Variants in CNTNAP4 observed in about 807,000 individuals in gnomAD.
CNTNAP4 encodes the protein contactin-associated protein-like 4.
CNTNAP4 carries 98 observed loss-of-function variants against 148.4 expected under a neutral mutation model. The observed-to-expected ratio is 0.66, with a 90% CI of 0.56 to 0.78. CNTNAP4 has a LOEUF of 0.78. CNTNAP4 is among the 30% of genes least tolerant of loss of function. The pLI, the probability that CNTNAP4 is intolerant of heterozygous loss-of-function variation, is 0.00. For missense variants in CNTNAP4, 1,935 were observed against 1,565.6 expected, an observed-to-expected ratio of 1.24 and a Z score of -3.98; for synonymous variants, 730 against 565.1, an observed-to-expected ratio of 1.29 and a Z score of -4.14.
chr16:76,448,728 C>A, intron 5 of CNTNAP4, 39 bp from the exon 6 acceptor site: 13 of 1,380,934 alleles, frequency 9.4e-6, no homozygotes, highest in South Asian at 2.9e-5. Flanking sequence ...TTTCTTTAGA[C>A]TGGCAATAAT....
At chr16:76,410,752 C>G (rs1228355292) in intron 3 of CNTNAP4, among the ~76,000 whole-genome samples, 3 of 151,424 alleles carry the variant, frequency 2.0e-5, no homozygotes, top group African/African-American at 7.3e-5. Context: ...AATAACACAC[C>G]ATCATACATT....
At chr16:76,298,745 C>A (rs968530917) in intron 1 of CNTNAP4, among the ~76,000 whole-genome samples, 7 of 152,102 alleles carry the variant, frequency 4.6e-5, no homozygotes, top group Non-Finnish European at 8.8e-5. Flanking sequence ...CTCTCCTAGA[C>A]CACATTCTTA....
chr16:76,448,113 AC>A lies in CNTNAP4; in HGVS notation c.642del (p.Met215CysfsTer22). The part of the protein sequence containing the change: ...IKDIISLKFK[T>X]MQSDGILLHR... ...AGACATTATTTCTTTGAAATTCAAA[AC>A]CATGCAGAGTGATGGGATTCTACTC... On this transcript the variant is annotated frameshift_variant, in exon 5 of 24. Coordinates refer to ENST00000611870, the MANE Select transcript of CNTNAP4 (RefSeq NM_033401.5). LOFTEE classifies it high-confidence loss of function. 6.2e-7 allele frequency: 1 copy of A among 1,613,554 alleles called. No individual in the cohort carries two copies. Among genetic ancestry groups the A allele is most frequent in the Non-Finnish European group, 8.5e-7 (1 of 1,179,538 alleles).
chr16:76,311,339 A>G (rs1961085293), intron 1 of CNTNAP4, among the ~76,000 whole-genome samples: 2 of 152,234 alleles, frequency 1.3e-5, no homozygotes, highest in Non-Finnish European at 2.9e-5. Flanking sequence ...CTAATTTACC[A>G]TTTACTTTTT....
intron 1 of CNTNAP4, among the ~76,000 whole-genome samples, chr16:76,282,817 AAAATT>A (rs1373722834): frequency 6.6e-6 from 1 of 151,902 alleles, no homozygotes; most frequent in African/African-American, 2.4e-5. Context: ...AGTTTTTTGA[AAAATT>A]AAATTAAAAA....
rs186636232 is a variant in CNTNAP4, at chr16:76,486,945, G to A, written c.1883-2741G>A. On this transcript the variant is annotated intron_variant, in intron 12 of 23. Coordinates refer to ENST00000611870, the MANE Select transcript of CNTNAP4 (RefSeq NM_033401.5). ...GATGCTGATTAGATTCTCTATGAGC[G>A]AATGGTCCCTGATTCAGAGGTCCTC... Among the ~76,000 whole-genome samples, 358 of 152,256 alleles carry A rather than the reference G, an allele frequency of 2.4e-3. 4 individuals are homozygous for A. Among genetic ancestry groups the A allele is most frequent in the South Asian group, 0.02 (98 of 4,832 alleles).
At chr16:76,481,624 C>G (rs2081832395) in intron 12 of CNTNAP4, among the ~76,000 whole-genome samples, 1 of 152,136 alleles carries the variant, frequency 6.6e-6, no homozygotes, top group South Asian at 2.1e-4. Flanking sequence ...AGAACCTTGT[C>G]ATTTGCTGAA....
rs749051359 is a variant in CNTNAP4 at position 76,535,801 on chromosome 16, A to C, written c.2995+17A>C. On this transcript the variant is annotated intron_variant, in intron 18 of 23. Transcript: ENST00000611870. ...GCTCAAATGGTAAGTGTGGCATGGA[A>C]GACTGTAAGAGGAAAATTTATTCAA... is the stretch of plus-strand genomic sequence containing the variant. The C allele has an allele frequency of 6.2e-7, 1 of 1,600,426 alleles. No individual in the cohort carries two copies. The highest frequency in any genetic ancestry group is 8.5e-7 in the Non-Finnish European group (1 of 1,170,218).
At chr16:76,424,736 G>A (rs2079318914) in intron 3 of CNTNAP4, among the ~76,000 whole-genome samples, 1 of 151,326 alleles carries the variant, frequency 6.6e-6, no homozygotes, top group Non-Finnish European at 1.5e-5. Flanking sequence ...TCCAGCCTGG[G>A]TGACAGAGTG....
chr16:76,460,610 A>G (rs2080907804), intron 8 of CNTNAP4, among the ~76,000 whole-genome samples: 1 of 148,392 alleles, frequency 6.7e-6, no homozygotes, highest in Non-Finnish European at 1.5e-5. Flanking sequence ...AAATACAAAA[A>G]AAATTAGCCA....
intron 3 of CNTNAP4, among the ~76,000 whole-genome samples, chr16:76,387,708 A>G (rs963732611): frequency 6.6e-6 from 1 of 152,218 alleles, no homozygotes; most frequent in African/African-American, 2.4e-5. Context: ...ACCATTGAAC[A>G]TGGACAAAAT....
Position 76,558,702 on chromosome 16 carries a change from C to G in CNTNAP4, c.*19C>G, listed in dbSNP as rs1389177606. ...CTTCTGATTGGCAGCTATGATTTAA[C>G]ATAAAATTATGATAGTTTGTTTTAA... On this transcript the variant is annotated 3_prime_UTR_variant, in exon 24 of 24. Transcript: ENST00000611870. The G allele has an allele frequency of 3.6e-5, 56 of 1,569,636 alleles. No individual in the cohort carries two copies. The highest frequency in any genetic ancestry group is 4.5e-5 in the Non-Finnish European group (52 of 1,150,726).
intron 17 of CNTNAP4, among the ~76,000 whole-genome samples, chr16:76,529,724 A>G (rs570747920): frequency 1.3e-5 from 2 of 152,344 alleles, no homozygotes; most frequent in East Asian, 3.9e-4. Context: ...TTTGAATTGC[A>G]TGGAATCTAT....
chr16:76,316,812 G>A (rs1451038378), intron 2 of CNTNAP4, among the ~76,000 whole-genome samples: 1 of 152,132 alleles, frequency 6.6e-6, no homozygotes, highest in African/African-American at 2.4e-5. Flanking sequence ...CATTAGTGAT[G>A]AAACCTTAAT....
chr16:76,327,545 C>A (rs1207571306), intron 2 of CNTNAP4, among the ~76,000 whole-genome samples: 4 of 152,168 alleles, frequency 2.6e-5, no homozygotes, highest in African/African-American at 4.8e-5. Flanking sequence ...ATCCTCTAAA[C>A]CCTGTCTCTC....
At chr16:76,331,790 TG>T (rs1430067183) in intron 2 of CNTNAP4, among the ~76,000 whole-genome samples, 2 of 152,186 alleles carry the variant, frequency 1.3e-5, no homozygotes, top group Non-Finnish European at 2.9e-5. Flanking sequence ...AACTTTCTTT[TG>T]TGTTTATGTA....
At chr16:76,479,615 A>G in intron 12 of CNTNAP4, 77 bp downstream of exon 12, 1 of 1,472,066 alleles carries the variant, frequency 6.8e-7, no homozygotes, top group Non-Finnish European at 9.2e-7. Context: ...TGAAATAAGC[A>G]GAATGTTGAC....
At chr16:76,391,026 C>A (rs548266942) in intron 3 of CNTNAP4, among the ~76,000 whole-genome samples, 1 of 152,116 alleles carries the variant, frequency 6.6e-6, no homozygotes, top group Non-Finnish European at 1.5e-5. Flanking sequence ...CAATTACAAT[C>A]TTTAAGTTAC....
chr16:76,507,815 G>T (rs1269547490), intron 15 of CNTNAP4, among the ~76,000 whole-genome samples: 1 of 97,404 alleles, frequency 1.0e-5, no homozygotes, highest in East Asian at 5.3e-4. Flanking sequence ...CAGAGACTTT[G>T]TGCTACTTCA....
Sources: allele counts gnomAD v4.1 joint callset (sites outside exome capture counted in the v4.1 genomes callset), GRCh38; gene constraint gnomAD v4.1.1; transcripts MANE v1.5; gene names NCBI Gene and HGNC (gene_info 2026-07-23, HGNC 2026-07-21).